GPR149: variants seen among roughly 807,000 people sequenced by gnomAD.
GPR149 encodes the protein probable G protein-coupled receptor 149.
In GPR149, 50 loss-of-function variants were observed where a neutral mutation model predicts 50.2. That is an observed-to-expected ratio of 1.00 (90% CI 0.79 to 1.26). The LOEUF (loss-of-function observed/expected upper bound fraction) is 1.26, where lower values mean the gene tolerates loss of function less well. Ranked by LOEUF, GPR149 falls within the 50% of genes most tolerant of loss-of-function variation. The pLI, the probability that GPR149 is intolerant of heterozygous loss-of-function variation, is 0.00. For missense variants in GPR149, 983 were observed against 895.4 expected, an observed-to-expected ratio of 1.10 and a Z score of -1.25; for synonymous variants, 405 against 358.2, an observed-to-expected ratio of 1.13 and a Z score of -1.48.
At chr3:154,385,014 G>T (rs1465762941) in intron 3 of GPR149, among the ~76,000 whole-genome samples, 1 of 152,138 alleles carries the variant, frequency 6.6e-6, no homozygotes, top group Non-Finnish European at 1.5e-5. Flanking sequence ...TATCTTTTGC[G>T]TGTGATAGTA....
At chr3:154,391,002 C>G (rs940090744) in intron 3 of GPR149, among the ~76,000 whole-genome samples, 1 of 152,144 alleles carries the variant, frequency 6.6e-6, no homozygotes, top group South Asian at 2.1e-4. Flanking sequence ...TAAAGACTTT[C>G]CTTCACAAAT....
chr3:154,387,463 C>T (rs1715070450), intron 3 of GPR149, among the ~76,000 whole-genome samples: 1 of 152,172 alleles, frequency 6.6e-6, no homozygotes, highest in Non-Finnish European at 1.5e-5. Context: ...ATGTCAGAAG[C>T]ATACTCATAT....
intron 3 of GPR149, among the ~76,000 whole-genome samples, chr3:154,372,573 A>G (rs530440167): frequency 4.5e-4 from 69 of 152,258 alleles, no homozygotes; most frequent in African/African-American, 1.6e-3. Context: ...CTATTGTTGT[A>G]TTGGGGATTA....
At chr3:154,356,391 G>C (rs1261839564) in intron 3 of GPR149, among the ~76,000 whole-genome samples, 5 of 152,158 alleles carry the variant, frequency 3.3e-5, no homozygotes, top group African/African-American at 1.2e-4. Flanking sequence ...AAGTCAAATT[G>C]TCCCTGTTTG....
intron 3 of GPR149, among the ~76,000 whole-genome samples, chr3:154,410,453 G>A (rs749775791): frequency 1.2e-4 from 18 of 152,120 alleles, no homozygotes; most frequent in Non-Finnish European, 2.2e-4. Context: ...GTGGATAAGA[G>A]TTCACTGACC....
chr3:154,370,179 A>C (rs748140816), intron 3 of GPR149, among the ~76,000 whole-genome samples: 1 of 152,228 alleles, frequency 6.6e-6, no homozygotes, highest in Non-Finnish European at 1.5e-5. Flanking sequence ...ATTCTGTAGA[A>C]GGTCAACTTA....
chr3:154,397,435 G>T lies in GPR149; in HGVS notation c.1623+23604C>A, dbSNP rs531793336. On this transcript the variant is annotated intron_variant, in intron 3 of 3. Coordinates refer to ENST00000389740, the MANE Select transcript of GPR149 (RefSeq NM_001038705.3). ...CTAGAGTTGGCTCAAACTGGCTCAT[G>T]CAATTTTTAGAAATCTTGCAAGCTG... Among the ~76,000 whole-genome samples, 7 of 152,234 alleles carry T rather than the reference G, an allele frequency of 4.6e-5. No homozygotes were observed. The East Asian group carries it at 1.3e-3, about 29-fold the overall frequency.
intron 3 of GPR149, among the ~76,000 whole-genome samples, chr3:154,420,447 T>C (rs1288330400): frequency 6.6e-6 from 1 of 152,044 alleles, no homozygotes; most frequent in Non-Finnish European, 1.5e-5. Context: ...TATTATAAAA[T>C]GATTCTTCCA....
intron 3 of GPR149, among the ~76,000 whole-genome samples, chr3:154,371,417 G>A (rs537499995): frequency 2.6e-5 from 4 of 151,988 alleles, no homozygotes; most frequent in Non-Finnish European, 4.4e-5. Context: ...CCCCAATCTC[G>A]CCACACGTGA....
At chr3:154,408,522 G>A (rs1329340448) in intron 3 of GPR149, among the ~76,000 whole-genome samples, 1 of 152,186 alleles carries the variant, frequency 6.6e-6, no homozygotes, top group Non-Finnish European at 1.5e-5. Context: ...ACTGTGGGCT[G>A]CATTTGGGAG....
intron 3 of GPR149, among the ~76,000 whole-genome samples, chr3:154,364,849 T>A (rs1714492960): frequency 6.6e-6 from 1 of 152,206 alleles, no homozygotes; most frequent in Non-Finnish European, 1.5e-5. Context: ...GATTGCACTC[T>A]GGCAGTTCTA....
chr3:154,362,983 T>G (rs1410693940), intron 3 of GPR149, among the ~76,000 whole-genome samples: 2 of 152,130 alleles, frequency 1.3e-5, no homozygotes, highest in African/African-American at 4.8e-5. Context: ...TAGCAGATAA[T>G]CTTTGAAGAC....
At chr3:154,410,052 C>G (rs1200072971) in intron 3 of GPR149, among the ~76,000 whole-genome samples, 4 of 152,064 alleles carry the variant, frequency 2.6e-5, no homozygotes, top group Non-Finnish European at 4.4e-5. Context: ...ATCCTACAAC[C>G]TAGAAGGGAT....
At chr3:154,386,836 T>A (rs1715054905) in intron 3 of GPR149, among the ~76,000 whole-genome samples, 1 of 152,184 alleles carries the variant, frequency 6.6e-6, no homozygotes, top group African/African-American at 2.4e-5. Context: ...CAATTCCCAA[T>A]AATAAGGTTA....
At chr3:154,370,060 A>G (rs1037459714) in intron 3 of GPR149, among the ~76,000 whole-genome samples, 2 of 152,204 alleles carry the variant, frequency 1.3e-5, no homozygotes, top group South Asian at 2.1e-4. Context: ...GAAAAAGCCT[A>G]TCAACTATTC....
At chr3:154,368,263 T>A (rs923540089) in intron 3 of GPR149, among the ~76,000 whole-genome samples, 20 of 152,330 alleles carry the variant, frequency 1.3e-4, no homozygotes, top group African/African-American at 4.8e-4. Flanking sequence ...TTTCTCATCT[T>A]GCAAGCAAGG....
At chr3:154,393,935 A>C (rs1310073907) in intron 3 of GPR149, among the ~76,000 whole-genome samples, 1 of 152,034 alleles carries the variant, frequency 6.6e-6, no homozygotes, top group African/African-American at 2.4e-5. Context: ...ACAAATGAGA[A>C]GATATTCCAT....
intron 3 of GPR149, among the ~76,000 whole-genome samples, chr3:154,417,453 C>T (rs939052302): frequency 5.3e-5 from 8 of 151,784 alleles, no homozygotes; most frequent in Admixed American, 1.3e-4. Flanking sequence ...AAATTGTTAA[C>T]ATAAACTTTA....
chr3:154,354,564 C>T (rs1714171569), intron 3 of GPR149, among the ~76,000 whole-genome samples: 1 of 151,530 alleles, frequency 6.6e-6, no homozygotes, highest in African/African-American at 2.4e-5. Flanking sequence ...TTTTTTTTTC[C>T]TTTTCCTTTT....
Sources: allele counts gnomAD v4.1 joint callset (sites outside exome capture counted in the v4.1 genomes callset), GRCh38; gene constraint gnomAD v4.1.1; transcripts MANE v1.5; gene names NCBI Gene and HGNC (gene_info 2026-07-23, HGNC 2026-07-21).